Variants in NSD1 observed in about 807,000 individuals in gnomAD.
The protein encoded by NSD1 is histone-lysine N-methyltransferase, H3 lysine-36 specific.
In NSD1, 26 loss-of-function variants were observed where a neutral mutation model predicts 242.7. That is an observed-to-expected ratio of 0.11 (90% CI 0.08 to 0.15). NSD1 has a LOEUF of 0.15. Ranked by LOEUF, NSD1 falls within the 10% of genes least tolerant of loss-of-function variation. The probability of loss-of-function intolerance (pLI) is 1.00; values close to 1 mark genes in which losing one functional copy is unlikely to be tolerated. For synonymous variants in NSD1, 1,106 were observed against 1,178.1 expected (o/e 0.94, Z 1.25); for missense variants, 2,495 against 3,272.8 (o/e 0.76, Z 5.80).
chr5:177,163,966 TAGA>T (rs1244580114), intron 2 of NSD1, among the ~76,000 whole-genome samples: 1 of 152,082 alleles, frequency 6.6e-6, no homozygotes, highest in East Asian at 1.9e-4. Context: ...TTTTTGTAAA[TAGA>T]AGGTTAAAAT....
At chr5:177,154,130 CT>C (rs1384602783) in intron 2 of NSD1, among the ~76,000 whole-genome samples, 1 of 152,074 alleles carries the variant, frequency 6.6e-6, no homozygotes, top group Admixed American at 6.6e-5. Context: ...GAGGCCTGTT[CT>C]TTCCCACTTG....
intron 2 of NSD1, among the ~76,000 whole-genome samples, chr5:177,180,875 G>A (rs940952020): frequency 6.6e-6 from 1 of 150,538 alleles, no homozygotes; most frequent in South Asian, 2.1e-4. Context: ...TACAGACAGG[G>A]TTTTGCCTTG....
intron 2 of NSD1, among the ~76,000 whole-genome samples, chr5:177,158,821 CAA>C (rs57206832): frequency 2.0e-4 from 16 of 80,294 alleles, no homozygotes; most frequent in Admixed American, 2.8e-4. Context: ...GACTTCATCT[CAA>C]AAAAAAAAAA....
At chr5:177,229,025 C>T (rs549861771) in intron 5 of NSD1, among the ~76,000 whole-genome samples, 1 of 152,118 alleles carries the variant, frequency 6.6e-6, no homozygotes, top group Middle Eastern at 3.4e-3. Context: ...TTAATGGAAT[C>T]ATGCAATATG....
rs532971801 is a variant in NSD1, at chr5:177,189,752, A to C, written c.928-2132A>C. Among the ~76,000 whole-genome samples, 4 of 152,342 alleles carry C rather than the reference A, an allele frequency of 2.6e-5. No individual in the cohort carries two copies. The South Asian group carries it at 8.3e-4, about 32-fold the overall frequency. ...GGACTTGAATAAATAAGCAAGTTCC[A>C]TATTTAGCAGTGCCAAATAAATCAT... On this transcript the variant is annotated intron_variant, in intron 2 of 22. Transcript: ENST00000439151.
chr5:177,145,084 C>CAA (rs530282937), intron 2 of NSD1, among the ~76,000 whole-genome samples: 3 of 77,690 alleles, frequency 3.9e-5, no homozygotes, highest in African/African-American at 7.9e-5. Flanking sequence ...GACTTTGTCT[C>CAA]AAAAAAAAAA....
rs774064453 is a variant in NSD1 at position 177,273,649 on chromosome 5, A to G, written c.5510-23A>G. ...AATTCCACCCAGAGATTTTGAAGTG[A>G]CTTGTGCTGTCTGTTTTCATAGCTC... On this transcript the variant is annotated intron_variant, in intron 16 of 22. Coordinates refer to ENST00000439151, the MANE Select transcript of NSD1 (RefSeq NM_022455.5). 1.9e-6 allele frequency: 3 copies of G among 1,539,970 alleles called. No individual in the cohort carries two copies. The South Asian group carries it at 3.4e-5, about 17-fold the overall frequency.
chr5:177,133,825 G>A lies in NSD1; in HGVS notation c.-145G>A, dbSNP rs1756049466. 6.7e-6 allele frequency: 1 copy of A among 149,926 alleles called. No homozygotes were observed. The highest frequency in any genetic ancestry group is 1.5e-5 in the Non-Finnish European group (1 of 67,260). The allele number at this position is 149,926 out of a possible 1,614,324, so 9.3% of individuals were successfully genotyped here. On this transcript the variant is annotated 5_prime_UTR_variant, in exon 1 of 23. Transcript: ENST00000439151. This position sits in a 1 kb window ranked among gnomAD's most constrained non-coding sequence, Gnocchi z 6.2. ...GGTCGCGCTCGCTGCCTTCTCCCCT[G>A]AAGAGAGACGCGGGGGGAGGGGGGT...
chr5:177,180,089 TTTTA>T (rs1462813801), intron 2 of NSD1, among the ~76,000 whole-genome samples: 4 of 150,616 alleles, frequency 2.7e-5, no homozygotes, highest in Non-Finnish European at 5.9e-5. Flanking sequence ...TTATTTTTTA[TTTTA>T]TTTATTTATT....
At chr5:177,146,947 C>A (rs1164543969) in intron 2 of NSD1, among the ~76,000 whole-genome samples, 4 of 150,148 alleles carry the variant, frequency 2.7e-5, no homozygotes, top group African/African-American at 9.8e-5. Context: ...GCGGAAGTTG[C>A]AGTGAGCTGA....
chr5:177,135,127 C>G lies in NSD1; in HGVS notation c.24C>G (p.Pro8=). ...GGATGGATCAGACCTGTGAACTACC[C>G]AGAAGAAATTGTCTGCTGCCCTTTT... The part of the protein sequence containing the change: MDQTCEL[P]RRNCLLPFSN... Residue 8 remains proline (P), a synonymous_variant, in exon 2 of 23, where the codon CCC becomes CCG. Transcript: ENST00000439151. 1 of 1,614,156 alleles carries G rather than the reference C, an allele frequency of 6.2e-7. No individual in the cohort carries two copies. The highest frequency in any genetic ancestry group is 8.5e-7 in the Non-Finnish European group (1 of 1,180,036).
At chr5:177,207,592 A>AT (rs1562201568) in intron 4 of NSD1, among the ~76,000 whole-genome samples, 2 of 100,118 alleles carry the variant, frequency 2.0e-5, no homozygotes, top group East Asian at 4.8e-4. Context: ...TATTTATTTA[A>AT]ATTTTTTTTT....
chr5:177,279,327 A>G (rs1427834419), intron 17 of NSD1, among the ~76,000 whole-genome samples: 1 of 152,040 alleles, frequency 6.6e-6, no homozygotes, highest in Non-Finnish European at 1.5e-5. Context: ...GTGAAACTCC[A>G]TCTTTCCTAA....
At position 177,233,331 on chromosome 5, in the gene NSD1, A is replaced by G. The variant is rs532193035; in HGVS notation, c.3797-2490A>G. On this transcript the variant is annotated intron_variant, in intron 5 of 22. Transcript: ENST00000439151. ...TGATCTTCCTGCATTGGCTTCCCTA[A>G]GTGCTAGGATTACAGGCGTGAGCTG... is the stretch of plus-strand genomic sequence containing the variant. 4.6e-5 allele frequency among the ~76,000 whole-genome samples: 7 copies of G among 152,112 alleles called. No individual in the cohort carries two copies. In the East Asian group the frequency reaches 1.2e-3, roughly 25 times the overall value.
chr5:177,264,202 A>AT (rs1757234415), intron 14 of NSD1, among the ~76,000 whole-genome samples: 1 of 151,766 alleles, frequency 6.6e-6, no homozygotes. Flanking sequence ...TGCCCAGCTA[A>AT]TTTTTTGTAT....
chr5:177,256,320 A>AG (rs1756458848), intron 12 of NSD1, among the ~76,000 whole-genome samples: 1 of 111,276 alleles, frequency 9.0e-6, no homozygotes, highest in Non-Finnish European at 1.7e-5. Context: ...TCTCACTCTT[A>AG]TCACCCAGGC....
At chr5:177,194,166 C>G (rs1280216244) in intron 3 of NSD1, among the ~76,000 whole-genome samples, 2 of 152,118 alleles carry the variant, frequency 1.3e-5, no homozygotes, top group African/African-American at 4.8e-5. Flanking sequence ...TAGTCATCTT[C>G]CACGTCTTTC....
intron 17 of NSD1, 85 bp downstream of exon 17, chr5:177,273,869 G>A: frequency 2.2e-6 from 2 of 919,182 alleles, no homozygotes; most frequent in Non-Finnish European, 3.5e-6. Context: ...AAGAACGGAA[G>A]CACAAGCATA....
chr5:177,158,995 A>ATT (rs1223720939), intron 2 of NSD1, among the ~76,000 whole-genome samples: 4 of 67,032 alleles, frequency 6.0e-5, no homozygotes, highest in African/African-American at 3.2e-4. Flanking sequence ...TATATGAATG[A>ATT]TTTTATATAT....
Sources: allele counts gnomAD v4.1 joint callset (sites outside exome capture counted in the v4.1 genomes callset), GRCh38; gene constraint gnomAD v4.1.1; non-coding constraint Gnocchi (gnomAD v3.1); transcripts MANE v1.5; gene names NCBI Gene and HGNC (gene_info 2026-07-23, HGNC 2026-07-21).